VPS39: variants seen among roughly 807,000 people sequenced by gnomAD.
VPS39 encodes VPS39 subunit of HOPS complex.
VPS39 carries 70 observed loss-of-function variants against 121.0 expected under a neutral mutation model. That is an observed-to-expected ratio of 0.58 (90% CI 0.48 to 0.71). The LOEUF (loss-of-function observed/expected upper bound fraction) is 0.71, where lower values mean the gene tolerates loss of function less well. VPS39 is among the 30% of genes least tolerant of loss of function. VPS39 has a pLI of 0.00. For synonymous variants in VPS39, 378 were observed against 398.1 expected (o/e 0.95, Z 0.60); for missense variants, 818 against 1,051.5 (o/e 0.78, Z 3.07).
At chr15:42,175,986 T>C (rs926356251) in intron 10 of VPS39, among the ~76,000 whole-genome samples, 1 of 152,196 alleles carries the variant, frequency 6.6e-6, no homozygotes, top group Admixed American at 6.5e-5. Context: ...GACTTATCAA[T>C]GCCAAAGTTT....
rs1390597964 is a variant in VPS39 at position 42,165,816 on chromosome 15, T to G, written c.1681A>C (p.Ile561Leu). ...LRDFPEDGLK[I>L]FTEDLPEVES... is the part of the protein sequence containing the mutation. ...ACTTCCGGGAGATCTTCAGTAAATA[T>G]CTGTTAGAATGAACCCGAGTTCCAG... Residue 561 changes from isoleucine (I) to leucine (L), a missense_variant and splice_region_variant, in exon 17 of 25, where the codon ATA becomes CTA. By Grantham distance (5) the Ile-to-Leu change is conservative. Coordinates refer to ENST00000318006, the MANE Select transcript of VPS39 (RefSeq NM_015289.5). The G allele has an allele frequency of 6.2e-7, 1 of 1,613,766 alleles. No individual in the cohort carries two copies. Among genetic ancestry groups the G allele is most frequent in the African/African-American group, 1.3e-5 (1 of 74,918 alleles).
intron 10 of VPS39, among the ~76,000 whole-genome samples, chr15:42,176,409 G>C (rs1188324551): frequency 6.6e-6 from 1 of 151,766 alleles, no homozygotes; most frequent in African/African-American, 2.4e-5. Flanking sequence ...ATATGTAAAA[G>C]AGTAAGGTCA....
chr15:42,202,100 C>T (rs1292568728), intron 1 of VPS39, among the ~76,000 whole-genome samples: 1 of 152,130 alleles, frequency 6.6e-6, no homozygotes, highest in Non-Finnish European at 1.5e-5. Context: ...TGATTCCCAA[C>T]CACATGCTGT....
At chr15:42,182,686 G>C (rs2049607249) in intron 8 of VPS39, among the ~76,000 whole-genome samples, 1 of 152,198 alleles carries the variant, frequency 6.6e-6, no homozygotes, top group African/African-American at 2.4e-5. Context: ...TACCTGAAAG[G>C]GTTAGGGAAG....
At chr15:42,199,995 A>T in intron 1 of VPS39, 34 bp from the exon 2 acceptor site, 1 of 1,546,624 alleles carries the variant, frequency 6.5e-7, no homozygotes. Flanking sequence ...AACAAAAACA[A>T]AAAAAAACCA....
intron 1 of VPS39, among the ~76,000 whole-genome samples, chr15:42,204,670 A>G (rs2050133952): frequency 6.6e-6 from 1 of 152,078 alleles, no homozygotes. Flanking sequence ...AATGAAATAA[A>G]ATAAAATAAA....
intron 23 of VPS39, 116 bp from the exon 24 acceptor site, chr15:42,161,889 T>C (rs1299956964): frequency 1.4e-5 from 22 of 1,588,292 alleles, no homozygotes; most frequent in African/African-American, 5.4e-5. Context: ...GCTTAGAACA[T>C]TGGCAATTCA....
chr15:42,182,624 C>T (rs1029632173), intron 8 of VPS39, among the ~76,000 whole-genome samples: 1 of 152,224 alleles, frequency 6.6e-6, no homozygotes, highest in Non-Finnish European at 1.5e-5. Context: ...AGAGCTCCTA[C>T]AGGAACAGAG....
At chr15:42,179,707 A>G (rs969621401) in intron 8 of VPS39, among the ~76,000 whole-genome samples, 5 of 152,080 alleles carry the variant, frequency 3.3e-5, no homozygotes, top group African/African-American at 7.2e-5. Flanking sequence ...CTCTAAGGGA[A>G]GAGTTCCACA....
At chr15:42,194,647 C>T (rs897364875) in intron 2 of VPS39, among the ~76,000 whole-genome samples, 2 of 151,744 alleles carry the variant, frequency 1.3e-5, no homozygotes, top group Admixed American at 6.6e-5. Context: ...GCGGGAGGAT[C>T]GCCTGAGCCT....
At chr15:42,163,541 T>C (rs1347744224) in intron 20 of VPS39, 85 bp downstream of exon 20, 1 of 1,507,540 alleles carries the variant, frequency 6.6e-7, no homozygotes, top group Non-Finnish European at 9.2e-7. Flanking sequence ...CAGTGGAGTA[T>C]GGGGAGATGG....
rs927361770 is a variant in VPS39 at position 42,177,674 on chromosome 15, T to TG, written c.960+543_960+544insC. Among the ~76,000 whole-genome samples the TG allele has an allele frequency of 2.2e-4, 33 of 152,270 alleles. 1 individual carries two copies. The highest frequency in any genetic ancestry group is 1.3e-3 in the East Asian group (7 of 5,192). On this transcript the variant is annotated intron_variant, in intron 10 of 24. Transcript: ENST00000318006. ...ATTTTATTCTCCCATTAATTTTTTT[T>TG]TTTGTTTTTTGAGACAGAGTCTCGC...
At position 42,187,305 on chromosome 15, in the gene VPS39, C is replaced by G. The variant is rs2049722896; in HGVS notation, c.500G>C (p.Cys167Ser). 4 of 1,613,210 alleles carry G rather than the reference C, an allele frequency of 2.5e-6. No individual in the cohort carries two copies. Among genetic ancestry groups the G allele is most frequent in the Non-Finnish European group, 3.4e-6 (4 of 1,179,864 alleles). ...KSMAWCENSI[C>S]VGFKRDYYLI... ...GTAGTAGTCTCTCTTGAAACCCACA[C>G]AGATAGAATTTTCACACCACGCCAT... The change falls in exon 7 of 25, where the codon TGT becomes TCT. Residue 167 changes from cysteine (C) to serine (S), a missense_variant. Coordinates refer to ENST00000318006, the MANE Select transcript of VPS39 (RefSeq NM_015289.5).
intron 12 of VPS39, 90 bp downstream of exon 12, chr15:42,169,634 C>T: frequency 7.1e-7 from 1 of 1,413,422 alleles, no homozygotes; most frequent in Non-Finnish European, 9.5e-7. Context: ...ACTGCCTTGG[C>T]ATTAGAGAAG....
chr15:42,194,220 T>C (rs2049887854), intron 2 of VPS39, among the ~76,000 whole-genome samples: 1 of 151,192 alleles, frequency 6.6e-6, no homozygotes. Context: ...ATCCCAGCAC[T>C]TTGGGAGGCC....
rs944479488 is a variant in VPS39, at chr15:42,167,405, A to C, written c.1366T>G (p.Cys456Gly). The C allele has an allele frequency of 2.5e-6, 4 of 1,614,162 alleles. No homozygotes were observed. Among genetic ancestry groups the C allele is most frequent in the Non-Finnish European group, 3.4e-6 (4 of 1,180,010 alleles). Residue 456 changes from cysteine (C) to glycine (G), a missense_variant, in exon 13 of 25, where the codon TGC (cysteine) becomes GGC (glycine). Transcript: ENST00000318006. ...LQIIDTTLLK[C>G]YLHTNVALVA... ...CTCAGGTAACTCACATGGAGATAGC[A>C]CTTGAGCAGGGTGGTGTCGATGATT...
At chr15:42,198,727 A>G (rs1027004903) in intron 2 of VPS39, among the ~76,000 whole-genome samples, 1 of 152,222 alleles carries the variant, frequency 6.6e-6, no homozygotes, top group Admixed American at 6.5e-5. Flanking sequence ...GTTTTTGTAA[A>G]TAAAGTTTTA....
intron 19 of VPS39, 33 bp from the exon 20 acceptor site, chr15:42,163,761 C>T (rs775586510): frequency 3.9e-6 from 6 of 1,523,558 alleles, no homozygotes; most frequent in South Asian, 2.4e-5. Context: ...GAACCACTGC[C>T]GCCATCACGC....
rs2050219576 is a variant in VPS39, at chr15:42,208,237, G to A, written c.-84C>T. On this transcript the variant is annotated 5_prime_UTR_variant, in exon 1 of 25. Coordinates refer to ENST00000318006, the MANE Select transcript of VPS39 (RefSeq NM_015289.5). ...GGTCCGGAACGAGTCTGGGCTAAGG[G>A]TAGACCGGGATCCGGCCAGGAACCC... The A allele has an allele frequency of 6.6e-6, 10 of 1,513,962 alleles. No homozygotes were observed. The highest frequency in any genetic ancestry group is 8.9e-6 in the Non-Finnish European group (10 of 1,120,234). 93.8% of individuals were successfully genotyped at this position (1,513,962 alleles called of 1,614,324 possible). A position where few individuals can be genotyped will look rare whatever the true frequency, so the allele number is the denominator to read the frequency against.
Sources: gnomAD v4.1 joint callset for allele counts (sites outside exome capture counted in the v4.1 genomes callset) on GRCh38, gnomAD v4.1.1 for gene constraint, MANE v1.5 for transcripts, NCBI Gene and HGNC (gene_info 2026-07-23, HGNC 2026-07-21) for gene names.